FANCC: variants seen among roughly 807,000 people sequenced by gnomAD.
FANCC encodes the protein Fanconi anemia group C protein.
FANCC carries 55 observed loss-of-function variants against 71.3 expected under a neutral mutation model. That is an observed-to-expected ratio of 0.77 (90% CI 0.62 to 0.97). FANCC has a LOEUF of 0.97. Among genes scored for constraint, FANCC ranks in the 50% least tolerant of loss-of-function variants. FANCC has a pLI of 0.00. For missense variants in FANCC, 678 were observed against 670.9 expected (o/e 1.01, Z -0.12); for synonymous variants, 275 against 244.9 (o/e 1.12, Z -1.15).
At chr9:95,209,310 C>A (rs977602968) in intron 4 of FANCC, among the ~76,000 whole-genome samples, 1 of 152,146 alleles carries the variant, frequency 6.6e-6, no homozygotes, top group Admixed American at 6.6e-5. Context: ...GGATATGTGT[C>A]ATTGCACATT....
intron 1 of FANCC, among the ~76,000 whole-genome samples, chr9:95,308,150 A>C (rs1835171298): frequency 6.6e-6 from 1 of 152,272 alleles, no homozygotes; most frequent in Non-Finnish European, 1.5e-5. Context: ...CAAGTACCAC[A>C]ATATTTTCAA....
intron 1 of FANCC, among the ~76,000 whole-genome samples, chr9:95,272,851 G>C (rs1176160316): frequency 1.3e-5 from 2 of 152,168 alleles, no homozygotes; most frequent in African/African-American, 2.4e-5. Flanking sequence ...GAAGTAGCTT[G>C]ATTTCTTCAC....
At chr9:95,211,744 A>G (rs1310070063) in intron 4 of FANCC, among the ~76,000 whole-genome samples, 1 of 152,174 alleles carries the variant, frequency 6.6e-6, no homozygotes, top group Non-Finnish European at 1.5e-5. Context: ...AAAGAAAAGC[A>G]GCTTAAGGAA....
chr9:95,261,793 C>G (rs1360839085), intron 1 of FANCC, among the ~76,000 whole-genome samples: 1 of 152,186 alleles, frequency 6.6e-6, no homozygotes, highest in Non-Finnish European at 1.5e-5. Context: ...CAGAGAGATG[C>G]AGACGCTGGA....
At chr9:95,204,839 C>G (rs78025703) in intron 4 of FANCC, among the ~76,000 whole-genome samples, 5,579 of 152,234 alleles carry the variant, frequency 0.037, 305 homozygotes, top group African/African-American at 0.12. Flanking sequence ...TCCTCTGCCA[C>G]AGGGTCCCAC....
chr9:95,196,258 T>C (rs929875879), intron 4 of FANCC, among the ~76,000 whole-genome samples: 4 of 152,146 alleles, frequency 2.6e-5, no homozygotes, highest in South Asian at 4.2e-4. Context: ...CTTTATGAAG[T>C]TGAGGTAATT....
chr9:95,118,065 C>T (rs575965779), intron 10 of FANCC, among the ~76,000 whole-genome samples: 1 of 152,192 alleles, frequency 6.6e-6, no homozygotes, highest in East Asian at 1.9e-4. Flanking sequence ...GTTGCGCAGG[C>T]TGGAGTGCAG....
At position 95,240,698 on chromosome 9, in the gene FANCC, T is replaced by C. The variant is rs1830583350; in HGVS notation, c.296A>G (p.Asn99Ser). The change falls in exon 4 of 15, where the codon AAC becomes AGC. Residue 99 changes from asparagine (N) to serine (S), a missense_variant. Asn to Ser is a conservative substitution (Grantham distance 46, BLOSUM62 1). Coordinates refer to ENST00000289081, the MANE Select transcript of FANCC (RefSeq NM_000136.3). ...ILIWCLCCLI[N>S]KEPQNSGQSK... ...TTGTCCAGAATTCTGTGGTTCTTTG[T>C]TAATTAGACAACATAAGCACCATAT... The C allele has an allele frequency of 1.2e-6, 2 of 1,613,448 alleles. No individual in the cohort carries two copies. Among genetic ancestry groups the C allele is most frequent in the Non-Finnish European group, 1.7e-6 (2 of 1,179,626 alleles).
chr9:95,210,038 C>T (rs576336326), intron 4 of FANCC, among the ~76,000 whole-genome samples: 1 of 152,150 alleles, frequency 6.6e-6, no homozygotes, highest in African/African-American at 2.4e-5. Flanking sequence ...ACTACATGCA[C>T]CAACATGAAC....
chr9:95,275,215 T>C (rs980556817), intron 1 of FANCC, among the ~76,000 whole-genome samples: 1 of 150,468 alleles, frequency 6.6e-6, no homozygotes, highest in Non-Finnish European at 1.5e-5. Context: ...GCCTAGGAGG[T>C]AGATGTTGCA....
intron 4 of FANCC, among the ~76,000 whole-genome samples, chr9:95,183,038 G>C (rs1826475578): frequency 6.6e-6 from 1 of 152,022 alleles, no homozygotes. Flanking sequence ...TTTCATCCCT[G>C]TGACTTGGTG....
intron 1 of FANCC, among the ~76,000 whole-genome samples, chr9:95,298,196 T>G (rs992273529): frequency 6.6e-6 from 1 of 151,862 alleles, no homozygotes; most frequent in Non-Finnish European, 1.5e-5. Flanking sequence ...GGAGAACACA[T>G]AGTATTTAGT....
At chr9:95,144,136 G>C (rs539176288) in intron 7 of FANCC, among the ~76,000 whole-genome samples, 4 of 152,262 alleles carry the variant, frequency 2.6e-5, no homozygotes, top group East Asian at 1.9e-4. Flanking sequence ...ATCTGGGGAG[G>C]GGGGGCTGGG....
chr9:95,121,519 A>T (rs1057428693), intron 10 of FANCC, among the ~76,000 whole-genome samples: 1 of 152,254 alleles, frequency 6.6e-6, no homozygotes, highest in African/African-American at 2.4e-5. Flanking sequence ...TTCCACTCCT[A>T]AGTATCTATC....
intron 10 of FANCC, among the ~76,000 whole-genome samples, chr9:95,118,592 C>A (rs1361268253): frequency 2.0e-5 from 3 of 152,232 alleles, no homozygotes; most frequent in African/African-American, 7.2e-5. Flanking sequence ...CCCACCCTGG[C>A]AACCAATGTT....
intron 4 of FANCC, among the ~76,000 whole-genome samples, chr9:95,189,295 T>C (rs1826931155): frequency 6.6e-6 from 1 of 152,162 alleles, no homozygotes; most frequent in Non-Finnish European, 1.5e-5. Context: ...CCCTTTTTAC[T>C]ATGAAATAAA....
At chr9:95,195,462 T>A (rs1827392516) in intron 4 of FANCC, among the ~76,000 whole-genome samples, 2 of 152,090 alleles carry the variant, frequency 1.3e-5, no homozygotes, top group Admixed American at 1.3e-4. Context: ...TCTGTTCTGT[T>A]CCATTCATCT....
At chr9:95,252,210 G>C (rs918598112) in intron 1 of FANCC, among the ~76,000 whole-genome samples, 3 of 140,198 alleles carry the variant, frequency 2.1e-5, no homozygotes, top group Admixed American at 7.8e-5. Context: ...CCAGGAGGCA[G>C]AGGTTGCAGT....
intron 4 of FANCC, among the ~76,000 whole-genome samples, chr9:95,179,003 T>A (rs1365244642): frequency 6.6e-6 from 1 of 152,194 alleles, no homozygotes; most frequent in Non-Finnish European, 1.5e-5. Context: ...TACTAACATT[T>A]CTTAGCCTGA....
Sources: allele counts gnomAD v4.1 joint callset (sites outside exome capture counted in the v4.1 genomes callset), GRCh38; gene constraint gnomAD v4.1.1; transcripts MANE v1.5; gene names NCBI Gene and HGNC (gene_info 2026-07-23, HGNC 2026-07-21).